Variants in ZNF385B observed in about 807,000 individuals in gnomAD.
ZNF385B encodes the protein zinc finger protein 385B.
A neutral mutation model predicts 39.2 loss-of-function variants in ZNF385B; 23 were observed. The observed-to-expected ratio is 0.59, with a 90% CI of 0.42 to 0.83. The LOEUF is 0.83. Among genes scored for constraint, ZNF385B ranks in the 40% least tolerant of loss-of-function variants. The pLI is 0.00. For missense variants in ZNF385B, 552 were observed against 598.9 expected (o/e 0.92, Z 0.82); for synonymous variants, 205 against 222.6 (o/e 0.92, Z 0.70).
intron 1 of ZNF385B, among the ~76,000 whole-genome samples, chr2:179,818,046 G>A (rs543344387): frequency 6.6e-6 from 1 of 152,182 alleles, no homozygotes; most frequent in African/African-American, 2.4e-5. Flanking sequence ...CTGAATGTGT[G>A]TGAATGTGTG....
intron 1 of ZNF385B, among the ~76,000 whole-genome samples, chr2:179,801,343 T>C (rs1336809826): frequency 2.6e-5 from 4 of 152,190 alleles, no homozygotes; most frequent in South Asian, 4.1e-4. Flanking sequence ...GGGGTAGAGA[T>C]AGGCTCCAAT....
At chr2:179,503,283 C>T (rs1381402203) in intron 5 of ZNF385B, among the ~76,000 whole-genome samples, 1 of 152,176 alleles carries the variant, frequency 6.6e-6, no homozygotes, top group Non-Finnish European at 1.5e-5. Flanking sequence ...TATGCTTCAA[C>T]CTCCTTTGCG....
chr2:179,802,146 G>T (rs992542104), intron 1 of ZNF385B, among the ~76,000 whole-genome samples: 3 of 152,142 alleles, frequency 2.0e-5, no homozygotes, highest in Admixed American at 1.3e-4. Context: ...GAGGTAAGCA[G>T]CTGGCTGCCA....
chr2:179,741,774 G>A (rs1702103673), intron 3 of ZNF385B, among the ~76,000 whole-genome samples: 1 of 152,032 alleles, frequency 6.6e-6, no homozygotes, highest in South Asian at 2.1e-4. Flanking sequence ...TTCAGCTATG[G>A]TAAATGGAAT....
intron 6 of ZNF385B, among the ~76,000 whole-genome samples, chr2:179,478,761 C>T (rs114811934): frequency 0.011 from 1,619 of 152,176 alleles, 29 homozygotes; most frequent in African/African-American, 0.037. Flanking sequence ...ATTAGGTTGA[C>T]TCTCATAACA....
At chr2:179,790,689 C>G (rs1004865093) in intron 1 of ZNF385B, among the ~76,000 whole-genome samples, 3 of 152,116 alleles carry the variant, frequency 2.0e-5, no homozygotes, top group Non-Finnish European at 4.4e-5. Context: ...CACCACCTAA[C>G]AAATACTCTC....
intron 5 of ZNF385B, among the ~76,000 whole-genome samples, chr2:179,500,420 T>A (rs62177236): frequency 6.6e-6 from 1 of 151,956 alleles, no homozygotes. Context: ...TGTGACAGAC[T>A]AGAGAACCCA....
At chr2:179,824,933 G>T (rs1707598479) in intron 1 of ZNF385B, among the ~76,000 whole-genome samples, 1 of 151,910 alleles carries the variant, frequency 6.6e-6, no homozygotes, top group South Asian at 2.1e-4. Flanking sequence ...TGAGACAAGG[G>T]AAGTACCTAA....
In ZNF385B at chr2:179,732,525, C is replaced by A. The variant is rs561141528; in HGVS notation, c.298+36978G>T. Reference sequence around the variant, plus strand: ...AAATAGCTAGATAATCAATAGTCAGCTGATCATAATATTAATCAAACCTTT... The same window carrying A: ...AAATAGCTAGATAATCAATAGTCAGATGATCATAATATTAATCAAACCTTT... On this transcript the variant is annotated intron_variant, in intron 3 of 9. Coordinates refer to ENST00000410066, the MANE Select transcript of ZNF385B (RefSeq NM_152520.6). 2.6e-5 allele frequency among the ~76,000 whole-genome samples: 4 copies of A among 152,294 alleles called. No individual in the cohort carries two copies. In the South Asian group the frequency reaches 8.3e-4, roughly 32 times the overall value.
At chr2:179,757,225 C>T (rs1036162139) in intron 3 of ZNF385B, among the ~76,000 whole-genome samples, 1 of 152,202 alleles carries the variant, frequency 6.6e-6, no homozygotes, top group African/African-American at 2.4e-5. Flanking sequence ...TGCTGGAGGT[C>T]CACTCCAGAC....
At chr2:179,512,917 T>C (rs1461958239) in intron 5 of ZNF385B, among the ~76,000 whole-genome samples, 5 of 152,344 alleles carry the variant, frequency 3.3e-5, no homozygotes, top group Admixed American at 2.6e-4. Flanking sequence ...CATTTTGCTT[T>C]TCAACAGGGT....
chr2:179,619,478 C>T (rs147382961), intron 3 of ZNF385B, among the ~76,000 whole-genome samples: 299 of 152,294 alleles, frequency 2.0e-3, no homozygotes, highest in Middle Eastern at 0.01. Context: ...GTCCTGCTCC[C>T]CCATCCAGCC....
intron 1 of ZNF385B, among the ~76,000 whole-genome samples, chr2:179,787,876 T>C (rs930772008): frequency 1.3e-5 from 2 of 152,190 alleles, no homozygotes; most frequent in African/African-American, 2.4e-5. Context: ...TTCACTGCTC[T>C]GAAAGCTAAA....
chr2:179,751,300 A>G (rs1702658771), intron 3 of ZNF385B, among the ~76,000 whole-genome samples: 1 of 151,808 alleles, frequency 6.6e-6, no homozygotes, highest in African/African-American at 2.4e-5. Flanking sequence ...TGCTTTCCAT[A>G]CTCATTAATA....
At position 179,549,881 on chromosome 2, in the gene ZNF385B, AT is replaced by A. The variant is rs568868901; in HGVS notation, c.299-4913del. Among the ~76,000 whole-genome samples the A allele has an allele frequency of 6.3e-3, 914 of 144,486 alleles. 87 individuals are homozygous for A. Among genetic ancestry groups the A allele is most frequent in the African/African-American group, 0.02 (764 of 38,230 alleles). 94.8% of individuals were successfully genotyped at this position (144,486 alleles called of 152,430 possible). The stretch of plus-strand genomic sequence containing the variant: ...CAGCCAAAAGTATAGATTGAGAGTA[AT>A]TTTTTTTTTTCTGATGCTCAAGTAA... On this transcript the variant is annotated intron_variant, in intron 3 of 9. Transcript: ENST00000410066.
chr2:179,483,522 A>G lies in ZNF385B; in HGVS notation c.553-88T>C, dbSNP rs1173406524. On this transcript the variant is annotated intron_variant, in intron 5 of 9. Coordinates refer to ENST00000410066, the MANE Select transcript of ZNF385B (RefSeq NM_152520.6). ...ATGCAGGAGAAAAATACATTCTATC[A>G]TAGGCACCACAGACATTTACAACTC... is the stretch of plus-strand genomic sequence containing the variant. 1.6e-5 allele frequency: 24 copies of G among 1,538,270 alleles called. No homozygotes were observed. The East Asian group carries it at 4.7e-4, about 30-fold the overall frequency.
intron 3 of ZNF385B, among the ~76,000 whole-genome samples, chr2:179,676,080 G>A (rs957345818): frequency 6.6e-6 from 1 of 151,158 alleles, no homozygotes; most frequent in East Asian, 2.0e-4. Flanking sequence ...GAGCCACTGC[G>A]CCTGGCCAAC....
At chr2:179,836,386 T>C (rs1396397218) in intron 1 of ZNF385B, among the ~76,000 whole-genome samples, 1 of 152,212 alleles carries the variant, frequency 6.6e-6, no homozygotes, top group African/African-American at 2.4e-5. Flanking sequence ...GTATTGCTTC[T>C]ACTGGAATAT....
intron 1 of ZNF385B, among the ~76,000 whole-genome samples, chr2:179,847,478 G>T (rs929298507): frequency 6.6e-6 from 1 of 152,222 alleles, no homozygotes; most frequent in African/African-American, 2.4e-5. Context: ...TAAATTCCCT[G>T]CCCGATCTCA....
Sources: allele counts gnomAD v4.1 joint callset (sites outside exome capture counted in the v4.1 genomes callset), GRCh38; gene constraint gnomAD v4.1.1; transcripts MANE v1.5; gene names NCBI Gene and HGNC (gene_info 2026-07-23, HGNC 2026-07-21).